The following COG2 variants were observed in gnomAD, a reference collection of about 807,000 sequenced individuals.
The protein encoded by COG2 is conserved oligomeric Golgi complex subunit 2.
COG2 carries 52 observed loss-of-function variants against 90.6 expected under a neutral mutation model. That is an observed-to-expected ratio of 0.57 (90% CI 0.46 to 0.72). The LOEUF is 0.72. Among genes scored for constraint, COG2 ranks in the 30% least tolerant of loss-of-function variants. The pLI is 0.00. For missense variants in COG2, 829 were observed against 891.2 expected (o/e 0.93, Z 0.89); for synonymous variants, 337 against 320.4 (o/e 1.05, Z -0.55).
intron 9 of COG2, among the ~76,000 whole-genome samples, chr1:230,675,850 T>C (rs1003228553): frequency 7.9e-5 from 12 of 152,232 alleles, no homozygotes; most frequent in Non-Finnish European, 1.5e-5. Flanking sequence ...GAGATGGGTC[T>C]CACTATGTTG....
intron 1 of COG2, among the ~76,000 whole-genome samples, chr1:230,648,834 A>G (rs564383670): frequency 9.2e-5 from 14 of 152,326 alleles, no homozygotes; most frequent in African/African-American, 3.1e-4. Flanking sequence ...TGTCCCTAAT[A>G]CACCCACAGC....
intron 14 of COG2, 64 bp downstream of exon 14, chr1:230,688,207 G>C (rs1662932326): frequency 7.7e-7 from 1 of 1,300,744 alleles, no homozygotes; most frequent in African/African-American, 1.5e-5. Context: ...AAATCTCAGA[G>C]ACTGTAGGGT....
intron 6 of COG2, chr1:230,669,152 C>A: frequency 2.0e-6 from 1 of 501,310 alleles, no homozygotes; most frequent in East Asian, 3.1e-5. Flanking sequence ...GTAATTCTGT[C>A]TAAATTCTTC....
chr1:230,687,437 T>C (rs1000464099), intron 13 of COG2, among the ~76,000 whole-genome samples: 7 of 152,224 alleles, frequency 4.6e-5, no homozygotes, highest in Non-Finnish European at 8.8e-5. Flanking sequence ...TGAGCAGCCA[T>C]GCTCCCCCAC....
intron 12 of COG2, 75 bp downstream of exon 12, chr1:230,685,311 G>C: frequency 6.7e-7 from 1 of 1,503,428 alleles, no homozygotes; most frequent in Non-Finnish European, 9.1e-7. Flanking sequence ...AACTCCCTAA[G>C]ATTTTTGTAA....
chr1:230,673,181 A>G (rs988173739), intron 8 of COG2, among the ~76,000 whole-genome samples: 1 of 152,214 alleles, frequency 6.6e-6, no homozygotes, highest in African/African-American at 2.4e-5. Flanking sequence ...GGGTCCAGAG[A>G]TGTCAAGCTT....
intron 1 of COG2, among the ~76,000 whole-genome samples, chr1:230,648,152 C>T (rs1294061614): frequency 6.6e-6 from 1 of 152,234 alleles, no homozygotes. Flanking sequence ...AGTCCCTATG[C>T]TAAAGCACAT....
intron 1 of COG2, among the ~76,000 whole-genome samples, chr1:230,646,888 C>T (rs1484904631): frequency 3.9e-5 from 6 of 152,018 alleles, no homozygotes; most frequent in African/African-American, 1.5e-4. Flanking sequence ...ATTTCACTTC[C>T]CAAATATCTC....
intron 4 of COG2, among the ~76,000 whole-genome samples, chr1:230,663,906 G>C (rs1662249961): frequency 6.6e-6 from 1 of 152,118 alleles, no homozygotes; most frequent in African/African-American, 2.4e-5. Context: ...GGGGAAAGAG[G>C]CCAGGTGTGG....
chr1:230,658,394 A>G (rs1662112235), intron 1 of COG2, among the ~76,000 whole-genome samples: 1 of 152,146 alleles, frequency 6.6e-6, no homozygotes, highest in South Asian at 2.1e-4. Flanking sequence ...GCAGAACAGC[A>G]AAGATTGCTG....
chr1:230,688,461 C>T lies in COG2; in HGVS notation c.1693C>T (p.Pro565Ser). Residue 565 changes from proline (P) to serine (S), a missense_variant, in exon 15 of 18, where the codon CCC (proline) becomes TCC (serine). Physicochemically the swap from Pro to Ser is moderately conservative, Grantham distance 74. Coordinates refer to ENST00000366669, the MANE Select transcript of COG2 (RefSeq NM_007357.3). Reference protein sequence around the residue: ...DSQSSFSACVPSLSSKIIQDL... With the variant: ...DSQSSFSACVSSLSSKIIQDL... Reference sequence around the variant, plus strand: ...CCAGAGCTCTTTTTCAGCCTGTGTGCCCTCCTTGAGTAGCAAGATCATCCA... The same window carrying T: ...CCAGAGCTCTTTTTCAGCCTGTGTGTCCTCCTTGAGTAGCAAGATCATCCA... 7 of 1,614,010 alleles carry T rather than the reference C, an allele frequency of 4.3e-6. No homozygotes were observed. Among genetic ancestry groups the T allele is most frequent in the Non-Finnish European group, 5.9e-6 (7 of 1,179,988 alleles).
At chr1:230,649,117 A>G (rs1054810234) in intron 1 of COG2, among the ~76,000 whole-genome samples, 2 of 152,268 alleles carry the variant, frequency 1.3e-5, no homozygotes, top group Admixed American at 6.5e-5. Context: ...TTTAAACATA[A>G]TAAGTTATTT....
chr1:230,692,401 A>G (rs1488992969), intron 17 of COG2, among the ~76,000 whole-genome samples: 1 of 152,110 alleles, frequency 6.6e-6, no homozygotes, highest in African/African-American at 2.4e-5. Flanking sequence ...CTAGCTCACT[A>G]AGGAATTTCT....
At chr1:230,690,738 AT>A (rs1479790734) in intron 16 of COG2, among the ~76,000 whole-genome samples, 1 of 152,192 alleles carries the variant, frequency 6.6e-6, no homozygotes, top group Non-Finnish European at 1.5e-5. Context: ...TTGCAGTAAT[AT>A]TTTATTTACT....
intron 12 of COG2, among the ~76,000 whole-genome samples, chr1:230,685,900 G>T (rs61110433): frequency 6.6e-6 from 1 of 152,098 alleles, no homozygotes; most frequent in Non-Finnish European, 1.5e-5. Context: ...ACCAGTCATC[G>T]CAGTGTGAGG....
intron 1 of COG2, among the ~76,000 whole-genome samples, chr1:230,646,167 T>G (rs1405677790): frequency 1.3e-5 from 2 of 152,168 alleles, no homozygotes; most frequent in African/African-American, 2.4e-5. Context: ...AGCCCATCGC[T>G]CTCTTCCATC....
rs1211891372 is a variant in COG2, at chr1:230,693,640, A to C, written c.*247A>C. The C allele has an allele frequency of 8.9e-6, 3 of 337,864 alleles. No individual in the cohort carries two copies. The highest frequency in any genetic ancestry group is 4.8e-5 in the Admixed American group (1 of 20,826). 20.9% of individuals were successfully genotyped at this position (337,864 alleles called of 1,614,324 possible). ...TTTAAGACATTTGAAACTTTCTACT[A>C]TAGTTTACAGAACAAATTATTTTAT... On this transcript the variant is annotated 3_prime_UTR_variant, in exon 18 of 18. Coordinates refer to ENST00000366669, the MANE Select transcript of COG2 (RefSeq NM_007357.3).
chr1:230,683,728 T>C, intron 11 of COG2, 93 bp downstream of exon 11: 1 of 726,234 alleles, frequency 1.4e-6, no homozygotes, highest in Non-Finnish European at 2.1e-6. Flanking sequence ...GAGCGTACTT[T>C]TACTGTTTTT....
intron 9 of COG2, chr1:230,678,273 C>CAACAGAAGAAGA: frequency 1.0e-6 from 1 of 985,280 alleles, no homozygotes; most frequent in Non-Finnish European, 1.2e-6. Flanking sequence ...CTGTGAGCCT[C>CAACAGAAGAAGA]AACAGAAGAA....
Sources: gnomAD v4.1 joint callset for allele counts (sites outside exome capture counted in the v4.1 genomes callset) on GRCh38, gnomAD v4.1.1 for gene constraint, MANE v1.5 for transcripts, NCBI Gene and HGNC (gene_info 2026-07-23, HGNC 2026-07-21) for gene names.